SPATA3: variants seen among roughly 807,000 people sequenced by gnomAD.
SPATA3 encodes the protein spermatogenesis associated 3.
A neutral mutation model predicts 5.7 loss-of-function variants in SPATA3; 6 were observed. The ratio of observed to expected loss-of-function variants is 1.06; its 90% confidence interval spans 0.58 to 2.09. The LOEUF (loss-of-function observed/expected upper bound fraction) is 2.09. Among genes scored for constraint, SPATA3 ranks in the 30% most tolerant of loss-of-function variants. SPATA3 has a pLI of 0.00. For synonymous variants in SPATA3, 44 were observed against 48.4 expected (o/e 0.91, Z 0.37); for missense variants, 155 against 130.4 (o/e 1.19, Z -0.92).
chr2:231,006,061 C>G (rs1054839195), downstream of SPATA3, among the ~76,000 whole-genome samples: 1 of 151,086 alleles, frequency 6.6e-6, no homozygotes, highest in Non-Finnish European at 1.5e-5. Context: ...CAGGCATGGT[C>G]GTACACACCT....
At chr2:231,000,277 G>A in intron 1 of SPATA3, 89 bp from the exon 2 acceptor site, 1 of 1,206,876 alleles carries the variant, frequency 8.3e-7, no homozygotes, top group Non-Finnish European at 1.1e-6. Flanking sequence ...TGCCGTTGTG[G>A]GGGGCCTTCT....
At chr2:231,019,694 C>T (rs1405998728) in intron 6 of SPATA3, 1 of 151,076 alleles carries the variant, frequency 6.6e-6, no homozygotes, top group African/African-American at 2.4e-5. Flanking sequence ...GATTCCTTCT[C>T]AGTGCCACTC....
At chr2:231,012,456 T>C (rs2125121488) in intron 4 of SPATA3, 1 of 152,444 alleles carries the variant, frequency 6.6e-6, no homozygotes, top group East Asian at 1.9e-4. Context: ...CAGTCAAGAA[T>C]GGACTGTGTA....
chr2:231,011,208 G>A (rs146732048), downstream of SPATA3, among the ~76,000 whole-genome samples: 475 of 152,062 alleles, frequency 3.1e-3, 3 homozygotes, highest in African/African-American at 0.011. Flanking sequence ...TCCACCTCCC[G>A]GGTTCAAGCA....
chr2:231,003,233 C>T (rs376333662), downstream of SPATA3, among the ~76,000 whole-genome samples: 13 of 152,338 alleles, frequency 8.5e-5, no homozygotes, highest in South Asian at 6.2e-4. Flanking sequence ...ACTTCAATGA[C>T]GTCTTCCATC....
intron 2 of SPATA3, among the ~76,000 whole-genome samples, chr2:231,000,743 C>T (rs911363359): frequency 1.3e-5 from 2 of 152,206 alleles, no homozygotes; most frequent in Admixed American, 6.5e-5. Context: ...GGGTACCCAC[C>T]CCGCCTGTAC....
rs78829189 is a variant in SPATA3 at position 231,000,911 on chromosome 2, C to T, written c.962+374C>T. Among the ~76,000 whole-genome samples, 334 of 152,360 alleles carry T rather than the reference C, an allele frequency of 2.2e-3. 10 individuals are homozygous for T. The East Asian group carries it at 0.061, about 28-fold the overall frequency. ...GTTTAAACACTGTTTGGCCATGCAC[C>T]TCCGTGGGCCCTCAGTGGCCTGTGT... On this transcript the variant is annotated intron_variant, in intron 2 of 2. Transcript: ENST00000645363.
At chr2:230,998,698 A>T (rs1005483300) in intron 1 of SPATA3, among the ~76,000 whole-genome samples, 1 of 152,198 alleles carries the variant, frequency 6.6e-6, no homozygotes, top group Non-Finnish European at 1.5e-5. Flanking sequence ...TTCCACTAGG[A>T]TGGGTATAAT....
chr2:231,011,338 C>G (rs530423776), downstream of SPATA3, among the ~76,000 whole-genome samples: 37 of 152,242 alleles, frequency 2.4e-4, 1 homozygote, highest in South Asian at 7.3e-3. Flanking sequence ...TGGTCTCGAA[C>G]TTCTGACTTC....
In SPATA3 at chr2:231,019,435, T is replaced by C. The variant is rs1247025184; in HGVS notation, c.*566-285T>C. Among the ~76,000 whole-genome samples, 4 of 145,538 alleles carry C rather than the reference T, an allele frequency of 2.7e-5. 1 individual carries two copies. Among genetic ancestry groups the C allele is most frequent in the Non-Finnish European group, 6.1e-5 (4 of 65,240 alleles). On this transcript the variant is annotated intron_variant, in intron 6 of 8. Transcript: ENST00000452881. ...GCCTCCCGGGTTCACACCATTCTCCTGCCTCAGCCTCCCGAGTAGCTGGGA... is the reference window on the plus strand; with the variant it reads ...GCCTCCCGGGTTCACACCATTCTCCCGCCTCAGCCTCCCGAGTAGCTGGGA...
downstream of SPATA3, among the ~76,000 whole-genome samples, chr2:231,010,468 G>C (rs866689833): frequency 6.6e-6 from 1 of 152,212 alleles, no homozygotes; most frequent in Admixed American, 6.5e-5. Context: ...TGCAAACAAG[G>C]TAGGTCAGAT....
downstream of SPATA3, among the ~76,000 whole-genome samples, chr2:231,005,529 C>T (rs755374457): frequency 3.7e-4 from 7 of 19,012 alleles, no homozygotes; most frequent in South Asian, 2.3e-3. Flanking sequence ...ACCACCACCA[C>T]CATCATCACC....
At chr2:231,000,490 G>C (rs138109246) in exon 2 of SPATA3, 2 of 1,548,824 alleles carry the variant, frequency 1.3e-6, no homozygotes, top group Non-Finnish European at 1.7e-6. Context: ...CTCGGGACTG[G>C]CAGATGGCGC....
chr2:231,015,504 C>T (rs1692911640), intron 6 of SPATA3, among the ~76,000 whole-genome samples: 1 of 152,170 alleles, frequency 6.6e-6, no homozygotes, highest in Admixed American at 6.5e-5. Flanking sequence ...CCAGCGGCCT[C>T]CCTTGCAGGA....
downstream of SPATA3, chr2:231,007,156 A>G (rs2125114701): frequency 6.6e-6 from 1 of 152,292 alleles, no homozygotes; most frequent in East Asian, 1.9e-4. Flanking sequence ...CTGGAAAGCC[A>G]CCAGGATTCC....
downstream of SPATA3, among the ~76,000 whole-genome samples, chr2:231,011,840 A>G (rs1692796732): frequency 6.6e-6 from 1 of 152,184 alleles, no homozygotes; most frequent in African/African-American, 2.4e-5. Flanking sequence ...TCAGGCTGCT[A>G]TTACAGGCTC....
chr2:231,015,345 G>T (rs1273573110), intron 6 of SPATA3, among the ~76,000 whole-genome samples: 1 of 135,938 alleles, frequency 7.4e-6, no homozygotes, highest in Non-Finnish European at 1.5e-5. Context: ...GCCTCCCAAA[G>T]TGCTGGGATT....
chr2:231,001,911 A>G (rs1462728876), intron 2 of SPATA3, among the ~76,000 whole-genome samples: 2 of 152,212 alleles, frequency 1.3e-5, no homozygotes, highest in Admixed American at 6.5e-5. Context: ...AACCTCTGAA[A>G]GGTTCCTGTC....
At chr2:231,001,518 C>T (rs535749609) in intron 2 of SPATA3, among the ~76,000 whole-genome samples, 6 of 152,240 alleles carry the variant, frequency 3.9e-5, no homozygotes, top group Non-Finnish European at 8.8e-5. Flanking sequence ...GATACCGGGG[C>T]GTGTGGGGAG....
Sources: gnomAD v4.1 joint callset for allele counts (sites outside exome capture counted in the v4.1 genomes callset) on GRCh38, gnomAD v4.1.1 for gene constraint, MANE v1.5 for transcripts, NCBI Gene and HGNC (gene_info 2026-07-23, HGNC 2026-07-21) for gene names.